SCHIP1: variants seen among roughly 807,000 people sequenced by gnomAD.
The protein encoded by SCHIP1 is schwannomin-interacting protein 1.
A neutral mutation model predicts 29.7 loss-of-function variants in SCHIP1; 8 were observed. The observed-to-expected ratio is 0.27, with a 90% CI of 0.16 to 0.49. The LOEUF is 0.49. Among genes scored for constraint, SCHIP1 ranks in the 20% least tolerant of loss-of-function variants. The pLI, the probability that SCHIP1 is intolerant of heterozygous loss-of-function variation, is 0.99. For synonymous variants in SCHIP1, 76 were observed against 94.9 expected (o/e 0.80, Z 1.16); for missense variants, 193 against 294.6 (o/e 0.66, Z 2.52).
At chr3:159,739,846 C>G in the SCHIP1 span, among the ~76,000 whole-genome samples, 1 of 152,288 alleles carries the variant, frequency 6.6e-6, no homozygotes, top group South Asian at 2.1e-4. Flanking sequence ...AAACCGGTGC[C>G]TAATTACATG....
At chr3:159,444,339 G>A in the SCHIP1 span, among the ~76,000 whole-genome samples, 1 of 152,028 alleles carries the variant, frequency 6.6e-6, no homozygotes, top group Non-Finnish European at 1.5e-5. Flanking sequence ...AAACACATGC[G>A]AGGCATGGAC....
the SCHIP1 span, among the ~76,000 whole-genome samples, chr3:159,678,496 C>G: frequency 6.6e-6 from 1 of 152,158 alleles, no homozygotes; most frequent in Non-Finnish European, 1.5e-5. Context: ...AGAGCAAAAA[C>G]TTATTAACAT....
chr3:159,470,562 C>T, the SCHIP1 span, among the ~76,000 whole-genome samples: 58 of 152,158 alleles, frequency 3.8e-4, no homozygotes, highest in African/African-American at 1.3e-3. Flanking sequence ...TTGAAGAAAA[C>T]TGTACAGGCA....
chr3:159,805,050 G>A, the SCHIP1 span, among the ~76,000 whole-genome samples: 1 of 152,146 alleles, frequency 6.6e-6, no homozygotes, highest in Non-Finnish European at 1.5e-5. Flanking sequence ...ATAGGGTGTG[G>A]TGTTTATCCT....
chr3:159,491,375 C>T, the SCHIP1 span, among the ~76,000 whole-genome samples: 14 of 152,304 alleles, frequency 9.2e-5, 1 homozygote, highest in Middle Eastern at 3.4e-3. Flanking sequence ...GGGTGACAAA[C>T]GGCACCTGGA....
chr3:159,610,037 T>G, the SCHIP1 span, among the ~76,000 whole-genome samples: 2,055 of 152,294 alleles, frequency 0.013, 45 homozygotes, highest in African/African-American at 0.048. Flanking sequence ...ATTGTCTCAT[T>G]TAATCCTCAT....
the SCHIP1 span, among the ~76,000 whole-genome samples, chr3:159,424,417 A>G: frequency 6.6e-6 from 1 of 152,224 alleles, no homozygotes; most frequent in Admixed American, 6.5e-5. Flanking sequence ...AGCTGATGTG[A>G]TCAACTGGAT....
the SCHIP1 span, among the ~76,000 whole-genome samples, chr3:159,583,712 G>T: frequency 6.6e-6 from 1 of 152,142 alleles, no homozygotes; most frequent in Non-Finnish European, 1.5e-5. Flanking sequence ...TTGGAAATCA[G>T]TATCTTTGAG....
chr3:159,830,462 A>G, the SCHIP1 span, among the ~76,000 whole-genome samples: 1 of 152,210 alleles, frequency 6.6e-6, no homozygotes, highest in Non-Finnish European at 1.5e-5. Flanking sequence ...TATTTTTTTC[A>G]TATAATGTGA....
chr3:159,415,408 C>G, the SCHIP1 span, among the ~76,000 whole-genome samples: 4 of 152,138 alleles, frequency 2.6e-5, no homozygotes, highest in Admixed American at 2.6e-4. Flanking sequence ...GGTATTAAGC[C>G]TAGTACCCAA....
intron 2 of SCHIP1, among the ~76,000 whole-genome samples, chr3:159,874,577 G>C (rs1377990851): frequency 6.6e-6 from 1 of 152,162 alleles, no homozygotes; most frequent in Admixed American, 6.5e-5. Flanking sequence ...CAAAGAAATA[G>C]GATTCACAGG....
chr3:159,510,190 C>T, the SCHIP1 span, among the ~76,000 whole-genome samples: 1 of 152,192 alleles, frequency 6.6e-6, no homozygotes, highest in African/African-American at 2.4e-5. Context: ...TTTCTCTAAA[C>T]TTCTCTTCTC....
chr3:159,374,022 A>G, the SCHIP1 span, among the ~76,000 whole-genome samples: 2 of 152,194 alleles, frequency 1.3e-5, no homozygotes, highest in African/African-American at 4.8e-5. Flanking sequence ...TGGCTGTACT[A>G]ATTTACATTC....
chr3:159,562,035 G>A, the SCHIP1 span, among the ~76,000 whole-genome samples: 1 of 152,170 alleles, frequency 6.6e-6, no homozygotes, highest in Non-Finnish European at 1.5e-5. Flanking sequence ...GGATATACAA[G>A]TGCTTTCCTT....
At chr3:159,629,890 G>C in the SCHIP1 span, among the ~76,000 whole-genome samples, 1 of 152,190 alleles carries the variant, frequency 6.6e-6, no homozygotes, top group Non-Finnish European at 1.5e-5. Context: ...CACAGCCCAG[G>C]AGGGAGGACA....
chr3:159,348,837 C>G, the SCHIP1 span, among the ~76,000 whole-genome samples: 4 of 152,266 alleles, frequency 2.6e-5, no homozygotes, highest in East Asian at 7.7e-4. Context: ...TGCTTTCCAC[C>G]TATTTTGAAC....
the SCHIP1 span, among the ~76,000 whole-genome samples, chr3:159,693,015 A>G: frequency 2.6e-5 from 4 of 152,196 alleles, no homozygotes; most frequent in African/African-American, 9.7e-5. Flanking sequence ...GTGTTATTGC[A>G]ATAATTGTAG....
the SCHIP1 span, among the ~76,000 whole-genome samples, chr3:159,553,359 C>A: frequency 2.0e-5 from 3 of 151,388 alleles, no homozygotes; most frequent in South Asian, 6.2e-4. Flanking sequence ...ATTTTTCAAG[C>A]AAAGGTTTTA....
chr3:159,274,252 T>A, the SCHIP1 span: 1 of 985,296 alleles, frequency 1.0e-6, no homozygotes, highest in Non-Finnish European at 1.2e-6. Context: ...AGACTCTCTT[T>A]GGAAAGTAGT....
Sources: gnomAD v4.1 joint callset for allele counts (sites outside exome capture counted in the v4.1 genomes callset) on GRCh38, gnomAD v4.1.1 for gene constraint, MANE v1.5 for transcripts, NCBI Gene and HGNC (gene_info 2026-07-23, HGNC 2026-07-21) for gene names.